The following CEP128 variants were observed in gnomAD, a reference collection of about 807,000 sequenced individuals.
CEP128 encodes the protein centrosomal protein 128kDa.
CEP128 carries 132 observed loss-of-function variants against 156.7 expected under a neutral mutation model. The observed-to-expected ratio is 0.84, with a 90% CI of 0.73 to 0.97. CEP128 has a LOEUF of 0.97. Among genes scored for constraint, CEP128 ranks in the 50% least tolerant of loss-of-function variants. The probability of loss-of-function intolerance (pLI) is 0.00; values close to 1 mark genes in which losing one functional copy is unlikely to be tolerated. For missense variants in CEP128, 1,252 were observed against 1,281.9 expected (o/e 0.98, Z 0.36); for synonymous variants, 469 against 448.9 (o/e 1.04, Z -0.57).
chr14:80,737,647 C>T (rs564487252), intron 19 of CEP128, among the ~76,000 whole-genome samples: 20 of 152,220 alleles, frequency 1.3e-4, no homozygotes, highest in South Asian at 6.2e-4. Flanking sequence ...CTCAGGAAAA[C>T]AAGGTCTAGG....
At chr14:80,949,260 G>A (rs1410397489) in intron 2 of CEP128, among the ~76,000 whole-genome samples, 2 of 152,214 alleles carry the variant, frequency 1.3e-5, no homozygotes, top group African/African-American at 2.4e-5. Context: ...TGCAAGGAGA[G>A]CGAACCCAGG....
intron 8 of CEP128, among the ~76,000 whole-genome samples, chr14:80,864,921 T>A (rs1887696567): frequency 6.6e-6 from 1 of 152,214 alleles, no homozygotes. Context: ...ACATATACAT[T>A]GTGAAATAAC....
chr14:80,704,123 C>G (rs1009801059), intron 19 of CEP128, among the ~76,000 whole-genome samples: 1 of 152,010 alleles, frequency 6.6e-6, no homozygotes, highest in Admixed American at 6.6e-5. Flanking sequence ...ACATCATTAT[C>G]TGTTCCTTAC....
intron 13 of CEP128, among the ~76,000 whole-genome samples, chr14:80,825,865 T>C (rs1395662043): frequency 6.6e-6 from 1 of 152,052 alleles, no homozygotes; most frequent in African/African-American, 2.4e-5. Flanking sequence ...CCCAGCACTT[T>C]GGAAGGCCAA....
Position 80,497,016 on chromosome 14 carries a change from C to T in CEP128, c.*463G>A, listed in dbSNP as rs1887521108. 6.8e-6 allele frequency: 1 copy of T among 147,528 alleles called. No individual in the cohort carries two copies. Among genetic ancestry groups the T allele is most frequent in the Admixed American group, 7.7e-5 (1 of 13,040 alleles). 9.1% of individuals were successfully genotyped at this position (147,528 alleles called of 1,614,324 possible). Reference sequence around the variant, plus strand: ...ATATGCACATCTCCACATGTTATAACACATGATAATTTATTAGGGAGAAAA... The same window carrying T: ...ATATGCACATCTCCACATGTTATAATACATGATAATTTATTAGGGAGAAAA... On this transcript the variant is annotated 3_prime_UTR_variant, in exon 25 of 25. Transcript: ENST00000555265.
chr14:80,729,723 A>T (rs1207840756), intron 19 of CEP128, among the ~76,000 whole-genome samples: 2 of 152,160 alleles, frequency 1.3e-5, no homozygotes, highest in Non-Finnish European at 2.9e-5. Flanking sequence ...AATTATGGCC[A>T]TTCTTGCAGG....
chr14:80,532,571 C>G (rs1219554772), intron 21 of CEP128, among the ~76,000 whole-genome samples: 1 of 152,128 alleles, frequency 6.6e-6, no homozygotes, highest in East Asian at 1.9e-4. Context: ...GGGTCTAACC[C>G]TTCCTTACAG....
At position 80,775,356 on chromosome 14, in the gene CEP128, G is replaced by A. The variant is rs189047045; in HGVS notation, c.2376+2526C>T. Among the ~76,000 whole-genome samples, 666 of 152,218 alleles carry A rather than the reference G, an allele frequency of 4.4e-3. 1 individual carries two copies. The highest frequency in any genetic ancestry group is 7.6e-3 in the Non-Finnish European group (515 of 68,000). On this transcript the variant is annotated intron_variant, in intron 16 of 24. Coordinates refer to ENST00000555265, the MANE Select transcript of CEP128 (RefSeq NM_152446.5). ...CAATCCAACAAAATTTTGATTCATAGCTAACTATAAATGGATCAACACAAA... is the reference window on the plus strand; with the variant it reads ...CAATCCAACAAAATTTTGATTCATAACTAACTATAAATGGATCAACACAAA...
intron 23 of CEP128, 89 bp downstream of exon 23, chr14:80,526,780 T>C: frequency 1.5e-6 from 1 of 647,140 alleles, no homozygotes; most frequent in Non-Finnish European, 2.7e-6. Flanking sequence ...CAAGTGCCCT[T>C]ACACAAACAC....
At chr14:80,656,260 A>C in intron 19 of CEP128, among the ~76,000 whole-genome samples, 1 of 120,554 alleles carries the variant, frequency 8.3e-6, no homozygotes, top group Non-Finnish European at 1.7e-5. Flanking sequence ...AGTATTTCTC[A>C]ATAAACCTAA....
At chr14:80,947,324 AGATGGGGGGT>A (rs1886369598) in intron 2 of CEP128, among the ~76,000 whole-genome samples, 1 of 152,092 alleles carries the variant, frequency 6.6e-6, no homozygotes, top group Non-Finnish European at 1.5e-5. Flanking sequence ...ATGGCCTTAG[AGATGGGGGGT>A]GACCACAGAA....
rs1402455083 is a variant in CEP128, at chr14:80,781,016, G to A, written c.2212-2970C>T. ...AACTGAAATTTATTCCAACTTCAGT[G>A]GATCCATAAAAGAAGTACAAAATTG... On this transcript the variant is annotated intron_variant, in intron 15 of 24. Coordinates refer to ENST00000555265, the MANE Select transcript of CEP128 (RefSeq NM_152446.5). Among the ~76,000 whole-genome samples, 3 of 152,174 alleles carry A rather than the reference G, an allele frequency of 2.0e-5. No individual in the cohort carries two copies. The East Asian group carries it at 5.8e-4, about 29-fold the overall frequency.
intron 23 of CEP128, among the ~76,000 whole-genome samples, chr14:80,517,741 C>T (rs1888555272): frequency 6.6e-6 from 1 of 152,086 alleles, no homozygotes; most frequent in Non-Finnish European, 1.5e-5. Flanking sequence ...GAATCTTGGG[C>T]CATGCAGTGA....
chr14:80,699,920 G>A (rs1897015188), intron 19 of CEP128, among the ~76,000 whole-genome samples: 1 of 152,132 alleles, frequency 6.6e-6, no homozygotes, highest in Admixed American at 6.6e-5. Flanking sequence ...CTTAGGCAAG[G>A]AAGTAGTATA....
chr14:80,680,894 C>G (rs570058809), intron 19 of CEP128, among the ~76,000 whole-genome samples: 3 of 152,104 alleles, frequency 2.0e-5, no homozygotes, highest in Non-Finnish European at 4.4e-5. Flanking sequence ...GCCCAACAAC[C>G]CCCACCAGTG....
intron 23 of CEP128, among the ~76,000 whole-genome samples, chr14:80,516,694 T>C (rs932235451): frequency 2.6e-5 from 4 of 152,180 alleles, no homozygotes; most frequent in African/African-American, 7.2e-5. Context: ...AAATTCTGCC[T>C]TGTGTTGCTT....
chr14:80,905,773 A>G (rs1395164061), intron 5 of CEP128, 182 bp downstream of exon 5: 2 of 531,068 alleles, frequency 3.8e-6, no homozygotes, highest in Non-Finnish European at 6.3e-6. Context: ...AAAAAACAAT[A>G]TAACAACAAA....
intron 8 of CEP128, among the ~76,000 whole-genome samples, chr14:80,880,756 G>A (rs987452422): frequency 1.9e-4 from 29 of 150,130 alleles, no homozygotes; most frequent in Non-Finnish European, 3.4e-4. Context: ...CCAGCTACTC[G>A]GGAGGCTGAG....
chr14:80,825,183 G>A (rs1475432472), intron 13 of CEP128, among the ~76,000 whole-genome samples: 1 of 152,202 alleles, frequency 6.6e-6, no homozygotes, highest in East Asian at 1.9e-4. Context: ...CAACGGTGGG[G>A]ATTCAAGATG....
Sources: allele counts gnomAD v4.1 joint callset (sites outside exome capture counted in the v4.1 genomes callset), GRCh38; gene constraint gnomAD v4.1.1; transcripts MANE v1.5; gene names NCBI Gene and HGNC (gene_info 2026-07-23, HGNC 2026-07-21).